The following RYR2 variants were observed in gnomAD, a reference collection of about 807,000 sequenced individuals.
RYR2 encodes the protein ryanodine receptor 2.
Under a neutral mutation model 601.1 loss-of-function variants are expected in RYR2, and 227 were observed. The observed-to-expected ratio is 0.38, with a 90% CI of 0.34 to 0.42. RYR2 has a LOEUF of 0.42. Ranked by LOEUF, RYR2 falls within the 10% of genes least tolerant of loss-of-function variation. The pLI is 1.00. For missense variants in RYR2, 4,646 were observed against 6,156.5 expected (o/e 0.75, Z 8.21); for synonymous variants, 2,223 against 2,175.1 (o/e 1.02, Z -0.61).
intron 1 of RYR2, among the ~76,000 whole-genome samples, chr1:237,215,673 A>G (rs566626214): frequency 1.3e-5 from 2 of 152,286 alleles, no homozygotes; most frequent in South Asian, 4.1e-4. Context: ...CTTAGGAATT[A>G]TATAGGATGA....
rs2147939891 is a variant in RYR2 at position 237,530,422 on chromosome 1, T to C, written c.2823-5T>C. ...ATCACACTTATCTCTGGTTTTGTTT[T>C]CCAGGACTTTGTTGGCATTAGGATG... On this transcript the variant is annotated splice_polypyrimidine_tract_variant and splice_region_variant and intron_variant, in intron 24 of 104. Transcript: ENST00000366574. 6.2e-7 allele frequency: 1 copy of C among 1,601,478 alleles called. No individual in the cohort carries two copies. The highest frequency in any genetic ancestry group is 1.7e-5 in the Admixed American group (1 of 58,348).
intron 27 of RYR2, among the ~76,000 whole-genome samples, chr1:237,557,830 G>A (rs1437237448): frequency 6.6e-6 from 1 of 152,084 alleles, no homozygotes; most frequent in East Asian, 1.9e-4. Flanking sequence ...GGGAACACAG[G>A]AATTGGAGCA....
chr1:237,807,820 G>A (rs1252416973), intron 99 of RYR2, among the ~76,000 whole-genome samples: 1 of 152,132 alleles, frequency 6.6e-6, no homozygotes, highest in Non-Finnish European at 1.5e-5. Flanking sequence ...GACTTAATCA[G>A]CATAAGCAGT....
chr1:237,284,000 C>G (rs1691170773), intron 2 of RYR2, among the ~76,000 whole-genome samples: 1 of 152,186 alleles, frequency 6.6e-6, no homozygotes, highest in East Asian at 1.9e-4. Context: ...ATTCTTATGC[C>G]TTTGCATCCT....
At chr1:237,270,211 G>C (rs1689539577) in intron 1 of RYR2, 2 of 521,462 alleles carry the variant, frequency 3.8e-6, no homozygotes, top group Admixed American at 5.6e-5. Flanking sequence ...ACTTTTATTT[G>C]TTCAGGTTGC....
chr1:237,374,326 C>A (rs758625159), intron 6 of RYR2, among the ~76,000 whole-genome samples: 7 of 151,376 alleles, frequency 4.6e-5, no homozygotes, highest in South Asian at 2.1e-4. Context: ...TTTGAGATCA[C>A]CTTGGGCAAC....
intron 1 of RYR2, among the ~76,000 whole-genome samples, chr1:237,240,996 A>G (rs571396372): frequency 6.6e-6 from 1 of 152,374 alleles, no homozygotes; most frequent in East Asian, 1.9e-4. Flanking sequence ...AATAAGGTCA[A>G]ATGAATAACA....
intron 1 of RYR2, among the ~76,000 whole-genome samples, chr1:237,182,657 C>A (rs1018701810): frequency 6.6e-6 from 1 of 152,120 alleles, no homozygotes; most frequent in Non-Finnish European, 1.5e-5. Flanking sequence ...CCATGGAAAT[C>A]CTTGGCTGTA....
rs879191789 is a variant in RYR2 at position 237,548,356 on chromosome 1, G to A, written c.2907-75G>A. ...TATGGAAGAACAGTAATGAGGTAGG[G>A]CCAGAAAATGATATTTACAGAGATT... On this transcript the variant is annotated intron_variant, in intron 25 of 104. Coordinates refer to ENST00000366574, the MANE Select transcript of RYR2 (RefSeq NM_001035.3). The A allele has an allele frequency of 2.7e-6, 4 of 1,486,208 alleles. No individual in the cohort carries two copies. The South Asian group carries it at 3.7e-5, about 14-fold the overall frequency. 92.1% of individuals were successfully genotyped at this position (1,486,208 alleles called of 1,614,324 possible). A position where few individuals can be genotyped will look rare whatever the true frequency, so the allele number is the denominator to read the frequency against.
intron 71 of RYR2, among the ~76,000 whole-genome samples, chr1:237,715,777 G>T (rs1310841176): frequency 6.6e-6 from 1 of 151,964 alleles, no homozygotes; most frequent in Non-Finnish European, 1.5e-5. Flanking sequence ...TAAATTACCG[G>T]TATTGGATAG....
chr1:237,713,134 T>C (rs1252464640), intron 71 of RYR2, among the ~76,000 whole-genome samples: 1 of 152,194 alleles, frequency 6.6e-6, no homozygotes, highest in Non-Finnish European at 1.5e-5. Context: ...TAGAAGCTAA[T>C]GCCAGAAGTC....
intron 79 of RYR2, among the ~76,000 whole-genome samples, chr1:237,736,035 A>G (rs1691112814): frequency 6.6e-6 from 1 of 152,348 alleles, no homozygotes; most frequent in Admixed American, 6.5e-5. Flanking sequence ...TACTCTTCCT[A>G]TGAGCAATGT....
chr1:237,715,700 A>C (rs1689213692), intron 71 of RYR2, among the ~76,000 whole-genome samples: 1 of 152,178 alleles, frequency 6.6e-6, no homozygotes. Flanking sequence ...AACCAATACA[A>C]TTTAGACTAA....
At chr1:237,094,793 G>A (rs1226153448) in intron 1 of RYR2, among the ~76,000 whole-genome samples, 1 of 152,108 alleles carries the variant, frequency 6.6e-6, no homozygotes, top group South Asian at 2.1e-4. Context: ...GGGTTTCACC[G>A]TGTTAGACAG....
intron 12 of RYR2, among the ~76,000 whole-genome samples, chr1:237,428,408 T>C (rs951358970): frequency 7.9e-5 from 12 of 152,132 alleles, no homozygotes; most frequent in Admixed American, 4.6e-4. Context: ...CATGGAACAC[T>C]ATGCAGCCAC....
At position 237,610,947 on chromosome 1, in the gene RYR2, T is replaced by C; in HGVS notation, c.4869T>C (p.Asp1623=). 2 of 1,613,506 alleles carry C rather than the reference T, an allele frequency of 1.2e-6. No homozygotes were observed. The highest frequency in any genetic ancestry group is 1.7e-6 in the Non-Finnish European group (2 of 1,179,704). ...ERQGWLVQCL[D]PLQFMSLHIP... is the part of the protein sequence containing the mutation. ...AAGGCTGGTTGGTGCAGTGTTTGGA[T>C]CCTCTGCAGTTCATGTCTCTTCATA... Residue 1623 remains aspartate, a synonymous_variant, in exon 36 of 105, where the codon GAT becomes GAC. Coordinates refer to ENST00000366574, the MANE Select transcript of RYR2 (RefSeq NM_001035.3). This position sits in a 1 kb window ranked among gnomAD's most constrained non-coding sequence, Gnocchi z 4.9.
intron 1 of RYR2, among the ~76,000 whole-genome samples, chr1:237,073,707 T>G (rs1212266815): frequency 2.6e-5 from 4 of 151,926 alleles, no homozygotes; most frequent in Non-Finnish European, 5.9e-5. Context: ...CCGTCTTCAC[T>G]AAAAATAAAA....
rs768150796 is a variant in RYR2 at position 237,548,580 on chromosome 1, G to A, written c.3056G>A (p.Gly1019Asp). The A allele has an allele frequency of 6.2e-7, 1 of 1,613,836 alleles. No individual in the cohort carries two copies. Among genetic ancestry groups the A allele is most frequent in the Non-Finnish European group, 8.5e-7 (1 of 1,179,836 alleles). The change falls in exon 26 of 105, where the codon GGC becomes GAC. Residue 1019 changes from glycine to aspartate, a missense_variant. Around this residue, in one of 17 missense-constraint regions of RYR2, gnomAD observed 1,807 missense variants for 2,088.1 expected, o/e 0.87. Coordinates refer to ENST00000366574, the MANE Select transcript of RYR2 (RefSeq NM_001035.3). Reference sequence around the variant, plus strand: ...CGAATCCGGCAGGGCTGGACTTATGGCATCCAACAGGTACATGGGAATTAG... The same window carrying A: ...CGAATCCGGCAGGGCTGGACTTATGACATCCAACAGGTACATGGGAATTAG... ...RDRIRQGWTY[G>D]IQQDVKNRRN...
intron 79 of RYR2, among the ~76,000 whole-genome samples, chr1:237,736,437 G>T (rs1156649374): frequency 2.0e-5 from 3 of 149,366 alleles, no homozygotes; most frequent in African/African-American, 7.4e-5. Flanking sequence ...ACTCCAGGCT[G>T]GGCGATGGAG....
Sources: gnomAD v4.1 joint callset for allele counts (sites outside exome capture counted in the v4.1 genomes callset) on GRCh38, gnomAD v4.1.1 for gene constraint, gnomAD v4.1.1 regional missense constraint, Gnocchi (gnomAD v3.1) non-coding constraint, MANE v1.5 for transcripts, NCBI Gene and HGNC (gene_info 2026-07-23, HGNC 2026-07-21) for gene names.